Variants in USP37 observed in about 807,000 individuals in gnomAD.
USP37 encodes the protein ubiquitin specific peptidase 37, also known as ubiquitin carboxyl-terminal hydrolase 37.
Under a neutral mutation model 124.0 loss-of-function variants are expected in USP37, and 27 were observed. The ratio of observed to expected loss-of-function variants is 0.22; its 90% CI spans 0.16 to 0.30. The LOEUF (loss-of-function observed/expected upper bound fraction) is 0.30. USP37 is among the 10% of genes least tolerant of loss of function. USP37 has a pLI of 1.00. For synonymous variants in USP37, 365 were observed against 388.0 expected (o/e 0.94, Z 0.70); for missense variants, 889 against 1,140.4 (o/e 0.78, Z 3.17).
chr2:218,475,865 G>T (rs1489632079), intron 19 of USP37, among the ~76,000 whole-genome samples: 5 of 151,950 alleles, frequency 3.3e-5, no homozygotes, highest in Non-Finnish European at 7.4e-5. Context: ...GATAGAGACT[G>T]CAGTGAGCCA....
At chr2:218,525,194 T>C (rs755627430) in intron 10 of USP37, among the ~76,000 whole-genome samples, 1 of 152,212 alleles carries the variant, frequency 6.6e-6, no homozygotes, top group Non-Finnish European at 1.5e-5. Context: ...AAAAATAACA[T>C]TCTTGGTCAG....
At chr2:218,560,497 G>C (rs1693251303) in intron 3 of USP37, among the ~76,000 whole-genome samples, 2 of 152,182 alleles carry the variant, frequency 1.3e-5, no homozygotes, top group Non-Finnish European at 2.9e-5. Flanking sequence ...TGGAATTAAT[G>C]TCTGTTTTCT....
rs1442100510 is a variant in USP37, at chr2:218,453,971, T to G, written c.*959A>C. ...AGACAGAGATGCTAGCATTCTTCCT[T>G]ATCCCTAAGTATTCCTGCTGGGGAG... On this transcript the variant is annotated 3_prime_UTR_variant, in exon 26 of 26. Transcript: ENST00000258399. 1 of 152,184 alleles carries G rather than the reference T, an allele frequency of 6.6e-6. No homozygotes were observed. The highest frequency in any genetic ancestry group is 2.4e-5 in the African/African-American group (1 of 41,446). 9.4% of individuals were successfully genotyped at this position (152,184 alleles called of 1,614,324 possible).
chr2:218,521,530 C>A (rs1368228072), intron 10 of USP37, among the ~76,000 whole-genome samples: 1 of 152,106 alleles, frequency 6.6e-6, no homozygotes, highest in Non-Finnish European at 1.5e-5. Context: ...GTGATGGTCC[C>A]CTCCCTGTGT....
rs531992258 is a variant in USP37, at chr2:218,512,964, T to C, written c.864-2824A>G. 3.9e-5 allele frequency among the ~76,000 whole-genome samples: 6 copies of C among 152,222 alleles called. No homozygotes were observed. The South Asian group carries it at 1.2e-3, about 32-fold the overall frequency. On this transcript the variant is annotated intron_variant, in intron 10 of 25. Coordinates refer to ENST00000258399, the MANE Select transcript of USP37 (RefSeq NM_020935.3). ...TAATGTCAGTACTGATTTGGGTTAT[T>C]TCTTGAATTTTATGATGCATTTACT... is the stretch of plus-strand genomic sequence containing the variant.
chr2:218,463,216 A>G, intron 22 of USP37, 90 bp downstream of exon 22: 1 of 614,878 alleles, frequency 1.6e-6, no homozygotes, highest in Non-Finnish European at 2.7e-6. Flanking sequence ...ACACACACAC[A>G]CACACACACA....
At chr2:218,462,916 C>T (rs1485732507) in intron 22 of USP37, among the ~76,000 whole-genome samples, 1 of 151,970 alleles carries the variant, frequency 6.6e-6, no homozygotes, top group Non-Finnish European at 1.5e-5. Flanking sequence ...CTTGTAATCT[C>T]GGCACTTTGG....
At chr2:218,548,621 G>A (rs1159400643) in intron 6 of USP37, among the ~76,000 whole-genome samples, 1 of 152,092 alleles carries the variant, frequency 6.6e-6, no homozygotes, top group African/African-American at 2.4e-5. Context: ...GGGATTACAG[G>A]AGTGAGCCAC....
At chr2:218,494,398 A>G (rs1177729503) in intron 14 of USP37, among the ~76,000 whole-genome samples, 1 of 152,126 alleles carries the variant, frequency 6.6e-6, no homozygotes, top group Non-Finnish European at 1.5e-5. Flanking sequence ...AAAGCTTCAG[A>G]TGAAAAGGCT....
chr2:218,514,788 C>T (rs926607309), intron 10 of USP37, among the ~76,000 whole-genome samples: 1 of 152,198 alleles, frequency 6.6e-6, no homozygotes, highest in Admixed American at 6.5e-5. Context: ...TTTATTCCTA[C>T]AACCCTCTGA....
intron 18 of USP37, 60 bp downstream of exon 18, chr2:218,479,590 A>C (rs1356967698): frequency 1.4e-6 from 2 of 1,396,406 alleles, no homozygotes; most frequent in Non-Finnish European, 1.0e-6. Flanking sequence ...GCAATCTTGG[A>C]GATTAGGGTA....
In USP37 at chr2:218,457,232, A is replaced by G; in HGVS notation, c.2644-71T>C. ...AAAGCAAAACACTGAATATAAATTT[A>G]TTATCAAAGCTGACATGGCTAAGCT... On this transcript the variant is annotated intron_variant, in intron 23 of 25. Coordinates refer to ENST00000258399, the MANE Select transcript of USP37 (RefSeq NM_020935.3). 6 of 1,421,060 alleles carry G rather than the reference A, an allele frequency of 4.2e-6. No individual in the cohort carries two copies. In the South Asian group the frequency reaches 6.1e-5, roughly 14 times the overall value. 88.0% of individuals were successfully genotyped at this position (1,421,060 alleles called of 1,614,324 possible).
At chr2:218,506,531 T>C (rs541579470) in intron 11 of USP37, among the ~76,000 whole-genome samples, 3 of 151,606 alleles carry the variant, frequency 2.0e-5, no homozygotes, top group African/African-American at 7.3e-5. Context: ...CCTCAGGCGA[T>C]CCATGCACCT....
intron 8 of USP37, among the ~76,000 whole-genome samples, chr2:218,536,460 T>C (rs182235016): frequency 7.6e-4 from 116 of 152,364 alleles, no homozygotes; most frequent in Non-Finnish European, 1.3e-3. Context: ...ACTTTGCCTG[T>C]AATCTCAGAG....
At chr2:218,524,465 TATTTTA>T (rs1475370514) in intron 10 of USP37, among the ~76,000 whole-genome samples, 1 of 152,214 alleles carries the variant, frequency 6.6e-6, no homozygotes, top group Non-Finnish European at 1.5e-5. Flanking sequence ...AAGCTTGAAA[TATTTTA>T]ATTTCCCTGA....
rs1689550025 is a variant in USP37, at chr2:218,453,487, G to A, written c.*1443C>T. On this transcript the variant is annotated 3_prime_UTR_variant, in exon 26 of 26. Coordinates refer to ENST00000258399, the MANE Select transcript of USP37 (RefSeq NM_020935.3). The stretch of plus-strand genomic sequence containing the variant: ...TTGTTTATAATAAAAGAAAAAACAC[G>A]AAAGAATATAATGATGGTTTCATTT... 1 of 152,010 alleles carries A rather than the reference G, an allele frequency of 6.6e-6. No homozygotes were observed. The highest frequency in any genetic ancestry group is 1.5e-5 in the Non-Finnish European group (1 of 67,990). 9.4% of individuals were successfully genotyped at this position (152,010 alleles called of 1,614,324 possible). A position where few individuals can be genotyped will look rare whatever the true frequency, so the allele number is the denominator to read the frequency against.
intron 18 of USP37, 143 bp downstream of exon 18, chr2:218,479,507 G>A: frequency 3.1e-6 from 2 of 654,562 alleles, no homozygotes; most frequent in South Asian, 3.6e-5. Flanking sequence ...CCAAATTCAG[G>A]AAAGTTTCAA....
At chr2:218,538,569 T>C (rs1248874746) in intron 8 of USP37, among the ~76,000 whole-genome samples, 1 of 152,182 alleles carries the variant, frequency 6.6e-6, no homozygotes, top group East Asian at 1.9e-4. Flanking sequence ...AAAGGGACCA[T>C]GAATAACGTA....
chr2:218,563,926 CT>C (rs1353324892), intron 1 of USP37, among the ~76,000 whole-genome samples: 1 of 152,084 alleles, frequency 6.6e-6, no homozygotes, highest in Non-Finnish European at 1.5e-5. Flanking sequence ...CAAAATTTAG[CT>C]GGGTGTGGTG....
Sources: allele counts gnomAD v4.1 joint callset (sites outside exome capture counted in the v4.1 genomes callset), GRCh38; gene constraint gnomAD v4.1.1; transcripts MANE v1.5; gene names NCBI Gene and HGNC (gene_info 2026-07-23, HGNC 2026-07-21).